Variants in LUZP2 observed in about 807,000 individuals in gnomAD.
The protein encoded by LUZP2 is leucine zipper protein 2.
Under a neutral mutation model 51.6 loss-of-function variants are expected in LUZP2, and 52 were observed. The ratio of observed to expected loss-of-function variants is 1.01; its 90% CI spans 0.81 to 1.27. The LOEUF (loss-of-function observed/expected upper bound fraction) is 1.27. Ranked by LOEUF, LUZP2 falls within the 50% of genes most tolerant of loss-of-function variation. LUZP2 has a pLI of 0.00. For missense variants in LUZP2, 436 were observed against 395.4 expected, an observed-to-expected ratio of 1.10 and a Z score of -0.87; for synonymous variants, 154 against 137.3, an observed-to-expected ratio of 1.12 and a Z score of -0.85.
At chr11:25,014,364 C>A (rs1254905723) in intron 9 of LUZP2, among the ~76,000 whole-genome samples, 3 of 152,180 alleles carry the variant, frequency 2.0e-5, no homozygotes, top group Non-Finnish European at 2.9e-5. Flanking sequence ...ACAGTCCCAC[C>A]AACAGTGTAA....
At chr11:25,025,798 T>C (rs574857840) in intron 9 of LUZP2, among the ~76,000 whole-genome samples, 12 of 152,294 alleles carry the variant, frequency 7.9e-5, no homozygotes, top group African/African-American at 1.7e-4. Flanking sequence ...ACTGGGCATA[T>C]ACCCAAAGGA....
At position 24,566,596 on chromosome 11, in the gene LUZP2, A is replaced by G. The variant is rs192615408; in HGVS notation, c.62+69291A>G. ...TATACACATATATATGTATGTGTGT[A>G]TATATATATGTATGTATGTATAGAT... On this transcript the variant is annotated intron_variant, in intron 1 of 11. Transcript: ENST00000336930. Among the ~76,000 whole-genome samples the G allele has an allele frequency of 1.8e-3, 234 of 130,874 alleles. 1 individual carries two copies. Among genetic ancestry groups the G allele is most frequent in the African/African-American group, 5.2e-3 (169 of 32,750 alleles). 85.9% of individuals were successfully genotyped at this position (130,874 alleles called of 152,430 possible).
At chr11:24,517,076 T>C (rs2133790323) in intron 1 of LUZP2, among the ~76,000 whole-genome samples, 1 of 152,316 alleles carries the variant, frequency 6.6e-6, no homozygotes, top group Non-Finnish European at 1.5e-5. Context: ...TTTATCATAT[T>C]TTTTGTGTTC....
chr11:24,806,243 A>G (rs1056094461), intron 5 of LUZP2, among the ~76,000 whole-genome samples: 6 of 152,150 alleles, frequency 3.9e-5, no homozygotes, highest in Non-Finnish European at 7.4e-5. Flanking sequence ...GGAGCTTACC[A>G]CTCGGTAAAT....
At chr11:24,585,890 G>A (rs1853047888) in intron 1 of LUZP2, among the ~76,000 whole-genome samples, 1 of 152,138 alleles carries the variant, frequency 6.6e-6, no homozygotes, top group Non-Finnish European at 1.5e-5. Context: ...AGTTAATGAA[G>A]ATAAAATTTA....
At chr11:24,899,398 A>C (rs1216268154) in intron 5 of LUZP2, among the ~76,000 whole-genome samples, 1 of 151,744 alleles carries the variant, frequency 6.6e-6, no homozygotes, top group African/African-American at 2.4e-5. Context: ...AATATACTAG[A>C]CTCTAGAAAA....
chr11:24,635,476 C>T (rs1188257820), intron 1 of LUZP2, among the ~76,000 whole-genome samples: 1 of 151,618 alleles, frequency 6.6e-6, no homozygotes, highest in Non-Finnish European at 1.5e-5. Flanking sequence ...ACATTTCAAT[C>T]TACATTAAAA....
chr11:24,711,001 G>A (rs916765178), intron 1 of LUZP2, among the ~76,000 whole-genome samples: 2 of 133,816 alleles, frequency 1.5e-5, no homozygotes, highest in African/African-American at 8.1e-5. Flanking sequence ...GAGGTAGAGA[G>A]GGGGAAAAAA....
At chr11:24,745,159 G>A (rs765815204) in intron 4 of LUZP2, among the ~76,000 whole-genome samples, 2 of 152,066 alleles carry the variant, frequency 1.3e-5, no homozygotes, top group African/African-American at 4.8e-5. Context: ...AGTTGCATGC[G>A]CTGTTGAATA....
chr11:25,005,088 G>A, intron 9 of LUZP2, among the ~76,000 whole-genome samples: 1 of 152,160 alleles, frequency 6.6e-6, no homozygotes, highest in Admixed American at 6.6e-5. Context: ...AGAGGGAGAA[G>A]GGACATGTAC....
intron 10 of LUZP2, among the ~76,000 whole-genome samples, chr11:25,053,545 T>C (rs1192049916): frequency 6.6e-4 from 22 of 33,134 alleles, no homozygotes; most frequent in Non-Finnish European, 6.1e-4. Context: ...CACATGCCTT[T>C]TTTTTTTTTT....
chr11:24,567,603 G>T (rs985677494), intron 1 of LUZP2, among the ~76,000 whole-genome samples: 1 of 151,866 alleles, frequency 6.6e-6, no homozygotes, highest in Non-Finnish European at 1.5e-5. Context: ...TCATGTATAA[G>T]GTAACCCCAA....
intron 9 of LUZP2, among the ~76,000 whole-genome samples, chr11:25,001,111 C>A (rs1194680538): frequency 6.6e-6 from 1 of 152,160 alleles, no homozygotes; most frequent in Non-Finnish European, 1.5e-5. Flanking sequence ...ACACTGTTAA[C>A]TTTTAGCAAA....
In LUZP2 at chr11:24,963,647, G is replaced by A. The variant is rs113698774; in HGVS notation, c.523-12944G>A. On this transcript the variant is annotated intron_variant, in intron 7 of 11. Coordinates refer to ENST00000336930, the MANE Select transcript of LUZP2 (RefSeq NM_001009909.4). Reference sequence around the variant, plus strand: ...CGCAGTATTCGGGTGGGAGTGACCCGATTTTCCAGGTGCTGTCTGTCACCC... The same window carrying A: ...CGCAGTATTCGGGTGGGAGTGACCCAATTTTCCAGGTGCTGTCTGTCACCC... 9.8e-3 allele frequency among the ~76,000 whole-genome samples: 1,486 copies of A among 152,250 alleles called. 22 individuals carry two copies. The highest frequency in any genetic ancestry group is 0.031 in the African/African-American group (1,281 of 41,556).
rs1290639650 is a variant in LUZP2 at position 24,933,563 on chromosome 11, C to A, written c.522+19025C>A. 2.0e-5 allele frequency among the ~76,000 whole-genome samples: 3 copies of A among 152,112 alleles called. No homozygotes were observed. In the East Asian group the frequency reaches 5.8e-4, roughly 29 times the overall value. Reference sequence around the variant, plus strand: ...TCTATTTGACCATGATGCCTTCATGCTTTAGTAAGGGCTTCAGAGTCAATG... The same window carrying A: ...TCTATTTGACCATGATGCCTTCATGATTTAGTAAGGGCTTCAGAGTCAATG... On this transcript the variant is annotated intron_variant, in intron 7 of 11. Coordinates refer to ENST00000336930, the MANE Select transcript of LUZP2 (RefSeq NM_001009909.4).
At chr11:24,686,787 T>C (rs1425808370) in intron 1 of LUZP2, among the ~76,000 whole-genome samples, 1 of 152,200 alleles carries the variant, frequency 6.6e-6, no homozygotes, top group Non-Finnish European at 1.5e-5. Context: ...TTTTATTAAC[T>C]TACCTATGCT....
At chr11:24,679,296 C>T (rs1216521272) in intron 1 of LUZP2, among the ~76,000 whole-genome samples, 1 of 152,084 alleles carries the variant, frequency 6.6e-6, no homozygotes, top group African/African-American at 2.4e-5. Flanking sequence ...AGGTATTCAA[C>T]ACATGGTTAC....
chr11:25,038,884 CT>C (rs1204363618), intron 9 of LUZP2, among the ~76,000 whole-genome samples: 2 of 152,126 alleles, frequency 1.3e-5, no homozygotes, highest in African/African-American at 4.8e-5. Context: ...AATTCTTGCT[CT>C]TGGTTTTGCA....
intron 1 of LUZP2, among the ~76,000 whole-genome samples, chr11:24,508,001 T>A (rs1202440124): frequency 6.6e-6 from 1 of 151,114 alleles, no homozygotes; most frequent in Non-Finnish European, 1.5e-5. Context: ...TTTATAATAA[T>A]ATAAATGAAT....
Sources: allele counts gnomAD v4.1 joint callset (sites outside exome capture counted in the v4.1 genomes callset), GRCh38; gene constraint gnomAD v4.1.1; transcripts MANE v1.5; gene names NCBI Gene and HGNC (gene_info 2026-07-23, HGNC 2026-07-21).